Variants in ACBD5 observed in about 807,000 individuals in gnomAD.
ACBD5 encodes the protein acyl-CoA-binding domain-containing protein 5.
Under a neutral mutation model 71.8 loss-of-function variants are expected in ACBD5, and 40 were observed. The observed-to-expected ratio is 0.56, with a 90% CI of 0.43 to 0.72. ACBD5 has a LOEUF of 0.72. ACBD5 is among the 30% of genes least tolerant of loss of function. ACBD5 has a pLI of 0.00. For synonymous variants in ACBD5, 229 were observed against 218.6 expected, an observed-to-expected ratio of 1.05 and a Z score of -0.42; for missense variants, 559 against 644.5, an observed-to-expected ratio of 0.87 and a Z score of 1.44.
intron 8 of ACBD5, among the ~76,000 whole-genome samples, chr10:27,213,589 C>T (rs924483115): frequency 6.6e-6 from 1 of 152,116 alleles, no homozygotes; most frequent in African/African-American, 2.4e-5. Context: ...GAAACCCCGT[C>T]TCTACTGAAA....
chr10:27,224,250 G>A (rs1370009288), intron 4 of ACBD5, among the ~76,000 whole-genome samples: 1 of 151,428 alleles, frequency 6.6e-6, no homozygotes, highest in African/African-American at 2.4e-5. Flanking sequence ...GGCGGTGCAC[G>A]CCTGTAGTCC....
chr10:27,205,075 T>G, intron 11 of ACBD5, 123 bp downstream of exon 11: 7 of 878,744 alleles, frequency 8.0e-6, no homozygotes, highest in South Asian at 2.7e-5. Context: ...TGCAGTGAGC[T>G]GAGATCGCAC....
intron 2 of ACBD5, among the ~76,000 whole-genome samples, chr10:27,236,111 C>T (rs2064646153): frequency 6.4e-5 from 1 of 15,670 alleles, no homozygotes; most frequent in African/African-American, 2.1e-4. Flanking sequence ...AAGACCCTGT[C>T]TCAAAAAAAA....
chr10:27,203,311 G>A (rs1381839208), intron 12 of ACBD5, among the ~76,000 whole-genome samples: 2 of 152,150 alleles, frequency 1.3e-5, no homozygotes, highest in East Asian at 3.9e-4. Context: ...GGATTTTCTT[G>A]AATCCAAGGG....
intron 8 of ACBD5, among the ~76,000 whole-genome samples, chr10:27,213,491 C>T (rs959236945): frequency 2.0e-5 from 3 of 152,182 alleles, no homozygotes; most frequent in Non-Finnish European, 4.4e-5. Context: ...GGCGTGGTGG[C>T]TCACGCCTGA....
chr10:27,226,635 C>T (rs12783917), intron 4 of ACBD5, among the ~76,000 whole-genome samples: 12,051 of 98,222 alleles, frequency 0.12, 734 homozygotes, highest in East Asian at 0.41. Flanking sequence ...CGTAAACTTT[C>T]TTTTTTTTTT....
At chr10:27,217,063 G>A (rs1487075043) in intron 7 of ACBD5, among the ~76,000 whole-genome samples, 3 of 139,480 alleles carry the variant, frequency 2.2e-5, no homozygotes, top group Non-Finnish European at 4.6e-5. Flanking sequence ...GGAGAATGGC[G>A]TGAAACCAGG....
chr10:27,194,349 G>A (rs550280552), downstream of ACBD5, among the ~76,000 whole-genome samples: 20 of 150,068 alleles, frequency 1.3e-4, no homozygotes, highest in South Asian at 8.4e-4. Flanking sequence ...GGTGACTCAC[G>A]CCTGTAATCC....
At chr10:27,228,582 A>C (rs987811974) in intron 4 of ACBD5, among the ~76,000 whole-genome samples, 1 of 151,796 alleles carries the variant, frequency 6.6e-6, no homozygotes, top group Non-Finnish European at 1.5e-5. Flanking sequence ...GTCTCAAAAA[A>C]AAAAGAATTT....
At chr10:27,223,139 A>C (rs931358883) in intron 5 of ACBD5, 199 bp downstream of exon 5, 3 of 710,464 alleles carry the variant, frequency 4.2e-6, no homozygotes, top group East Asian at 5.4e-5. Context: ...AAGTTCTGTA[A>C]GTTTGTGCAG....
rs1285066206 is a variant in ACBD5 at position 27,200,464 on chromosome 10, A to T, written c.1566-3022T>A. Among the ~76,000 whole-genome samples, 3 of 149,824 alleles carry T rather than the reference A, an allele frequency of 2.0e-5. No homozygotes were observed. In the South Asian group the frequency reaches 6.3e-4, roughly 31 times the overall value. ...TCTTTTTTCTCTCTTTTTTTTTTTG[A>T]GATGGAGTCTCACTGTGTCACCCAG... On this transcript the variant is annotated intron_variant, in intron 12 of 12. Coordinates refer to ENST00000396271, the MANE Select transcript of ACBD5 (RefSeq NM_145698.5).
downstream of ACBD5, among the ~76,000 whole-genome samples, chr10:27,194,631 A>AATAATAATG (rs2136400637): frequency 7.0e-6 from 1 of 142,122 alleles, no homozygotes; most frequent in Non-Finnish European, 1.5e-5. Context: ...TAATAATAAT[A>AATAATAATG]ATAATAATAA....
rs797017053 is a variant in ACBD5, at chr10:27,196,141, A to T, written c.*1289T>A. On this transcript the variant is annotated 3_prime_UTR_variant, in exon 13 of 13. Coordinates refer to ENST00000396271, the MANE Select transcript of ACBD5 (RefSeq NM_145698.5). The stretch of plus-strand genomic sequence containing the variant: ...CTTGAACCCAGGAGGTGGAAGTTGC[A>T]GTGAGCCAAGATCACGCCATTGCCC... 4.4e-6 allele frequency: 2 copies of T among 452,244 alleles called. No individual in the cohort carries two copies. Among genetic ancestry groups the T allele is most frequent in the South Asian group, 3.1e-5 (2 of 64,138 alleles). 28.0% of individuals were successfully genotyped at this position (452,244 alleles called of 1,614,324 possible).
At position 27,208,381 on chromosome 10, in the gene ACBD5, C is replaced by T. The variant is rs768344753; in HGVS notation, c.1269G>A (p.Gly423=). 3 of 1,614,116 alleles carry T rather than the reference C, an allele frequency of 1.9e-6. No individual in the cohort carries two copies. Among genetic ancestry groups the T allele is most frequent in the Non-Finnish European group, 2.5e-6 (3 of 1,179,990 alleles). ...KGRQVGSGGD[G]ERWGSDRGSR... ...ACCCTCTGTCGGAGCCCCAGCGCTC[C>T]CCATCACCTCCACTTCCCACCTGCC... The change falls in exon 10 of 13, where the codon GGG becomes GGA. Residue 423 remains glycine, a synonymous_variant. Transcript: ENST00000396271.
intron 3 of ACBD5, among the ~76,000 whole-genome samples, chr10:27,234,281 A>G (rs1471621808): frequency 6.6e-6 from 1 of 152,170 alleles, no homozygotes; most frequent in Admixed American, 6.6e-5. Context: ...TCTTTTAAGT[A>G]TATAAAAGAT....
chr10:27,204,372 G>T, intron 12 of ACBD5, 68 bp downstream of exon 12: 2 of 1,173,918 alleles, frequency 1.7e-6, no homozygotes, highest in Non-Finnish European at 2.5e-6. Context: ...CTTAATTGCT[G>T]CTGAAAACTC....
chr10:27,193,825 A>G (rs1312608953), downstream of ACBD5, among the ~76,000 whole-genome samples: 1 of 152,198 alleles, frequency 6.6e-6, no homozygotes, highest in East Asian at 1.9e-4. Context: ...ACTTATATCG[A>G]AGGAAAAGAC....
chr10:27,218,735 G>A (rs1332740688), intron 6 of ACBD5, among the ~76,000 whole-genome samples: 1 of 151,946 alleles, frequency 6.6e-6, no homozygotes, highest in Non-Finnish European at 1.5e-5. Flanking sequence ...ACAGGCGCCC[G>A]CCACTATGCC....
In ACBD5 at chr10:27,219,703, A is replaced by C; in HGVS notation, c.625+20T>G. 1 of 1,613,306 alleles carries C rather than the reference A, an allele frequency of 6.2e-7. No individual in the cohort carries two copies. Among genetic ancestry groups the C allele is most frequent in the Non-Finnish European group, 8.5e-7 (1 of 1,179,556 alleles). ...TAGTTTATTTATTGCAAAATTACTA[A>C]CTGATTTTCCAAACATTACCATTAT... On this transcript the variant is annotated intron_variant, in intron 6 of 12. Transcript: ENST00000396271.
Sources: gnomAD v4.1 joint callset for allele counts (sites outside exome capture counted in the v4.1 genomes callset) on GRCh38, gnomAD v4.1.1 for gene constraint, MANE v1.5 for transcripts, NCBI Gene and HGNC (gene_info 2026-07-23, HGNC 2026-07-21) for gene names.